The following LLGL2 variants were observed in gnomAD, a reference collection of about 807,000 sequenced individuals.
The protein encoded by LLGL2 is LLGL2, scribble cell polarity complex component.
LLGL2 carries 81 observed loss-of-function variants against 123.2 expected under a neutral mutation model. The ratio of observed to expected loss-of-function variants is 0.66; its 90% CI spans 0.55 to 0.79. The LOEUF (loss-of-function observed/expected upper bound fraction) is 0.79, where lower values mean the gene tolerates loss of function less well. LLGL2 is among the 30% of genes least tolerant of loss of function. The pLI is 0.00. For missense variants in LLGL2, 1,273 were observed against 1,414.6 expected (o/e 0.90, Z 1.61); for synonymous variants, 577 against 594.1 (o/e 0.97, Z 0.42).
intron 1 of LLGL2, among the ~76,000 whole-genome samples, chr17:75,537,331 T>TC (rs2054041367): frequency 1.3e-5 from 2 of 152,126 alleles, no homozygotes; most frequent in African/African-American, 4.8e-5. Context: ...GTGTGTTTCT[T>TC]CCCCATCTGA....
intron 1 of LLGL2, among the ~76,000 whole-genome samples, chr17:75,530,493 AC>A (rs2053739037): frequency 6.6e-6 from 1 of 152,088 alleles, no homozygotes; most frequent in African/African-American, 2.4e-5. Flanking sequence ...TACTAAAAAT[AC>A]AAAAAATTAG....
At chr17:75,541,715 CTTTTTTTTTT>C (rs56656168) in intron 1 of LLGL2, among the ~76,000 whole-genome samples, 2 of 31,508 alleles carry the variant, frequency 6.3e-5, no homozygotes, top group African/African-American at 2.8e-4. Context: ...TGTGGCTCTG[CTTTTTTTTTT>C]TTTTTTTTTT....
chr17:75,548,619 G>A (rs934790102), intron 2 of LLGL2, among the ~76,000 whole-genome samples: 9 of 151,786 alleles, frequency 5.9e-5, no homozygotes, highest in Non-Finnish European at 1.3e-4. Context: ...AGCCGGGCAT[G>A]GTGGCGCACA....
chr17:75,561,171 T>TAGATCC (rs199816974), intron 6 of LLGL2, among the ~76,000 whole-genome samples: 3 of 151,760 alleles, frequency 2.0e-5, no homozygotes, highest in African/African-American at 7.3e-5. Flanking sequence ...TGATGACACT[T>TAGATCC]ATCTAAGTTT....
intron 3 of LLGL2, 79 bp downstream of exon 3, chr17:75,556,222 T>A: frequency 8.9e-7 from 1 of 1,127,606 alleles, no homozygotes; most frequent in Non-Finnish European, 1.3e-6. Flanking sequence ...TTTTCCTTCC[T>A]TGCCCGTGGG....
At position 75,570,002 on chromosome 17, in the gene LLGL2, G is replaced by T. The variant is rs1004491456; in HGVS notation, c.1621G>T (p.Ala541Ser). ...ACTGAATGACGAGGCAGCGGAGCAG[G>T]CTGTGGAGCAGGTGGAGGCCGACCT... ...LELNDEAAEQ[A>S]VEQVEADLLQ... is the part of the protein sequence containing the mutation. Residue 541 changes from alanine to serine, a missense_variant, in exon 15 of 26, where the codon GCT becomes TCT. Physicochemically the swap from Ala to Ser is moderately conservative, Grantham distance 99. Coordinates refer to ENST00000392550, the MANE Select transcript of LLGL2 (RefSeq NM_001031803.2). 7 of 1,609,892 alleles carry T rather than the reference G, an allele frequency of 4.3e-6. No homozygotes were observed. The African/African-American group carries it at 6.7e-5, about 15-fold the overall frequency.
At position 75,558,101 on chromosome 17, in the gene LLGL2, G is replaced by A. The variant is rs759921740; in HGVS notation, c.174-54G>A. ...TGGGCCCCGAGGGCCTGGCACTCAAGGCAGGCAGGGGATGGTGTCCGACCT... is the reference window on the plus strand; with the variant it reads ...TGGGCCCCGAGGGCCTGGCACTCAAAGCAGGCAGGGGATGGTGTCCGACCT... On this transcript the variant is annotated intron_variant, in intron 3 of 25. Coordinates refer to ENST00000392550, the MANE Select transcript of LLGL2 (RefSeq NM_001031803.2). The surrounding 1 kb of genome is among the most constrained non-coding windows in gnomAD (Gnocchi z 4.0). The A allele has an allele frequency of 4.5e-6, 7 of 1,558,894 alleles. No homozygotes were observed. The highest frequency in any genetic ancestry group is 1.4e-5 in the African/African-American group (1 of 73,894).
intron 13 of LLGL2, 24 bp from the exon 14 acceptor site, chr17:75,569,197 C>A: frequency 6.2e-7 from 1 of 1,612,576 alleles, no homozygotes; most frequent in South Asian, 1.1e-5. Flanking sequence ...CGTGGCTGCT[C>A]ACAGGGCCCC....
Position 75,564,312 on chromosome 17 carries a change from C to A in LLGL2, c.882-41C>A. The A allele has an allele frequency of 6.4e-7, 1 of 1,567,966 alleles. No homozygotes were observed. Among genetic ancestry groups the A allele is most frequent in the Non-Finnish European group, 8.6e-7 (1 of 1,158,830 alleles). On this transcript the variant is annotated intron_variant, in intron 9 of 25. Coordinates refer to ENST00000392550, the MANE Select transcript of LLGL2 (RefSeq NM_001031803.2). This position sits in a 1 kb window ranked among gnomAD's most constrained non-coding sequence, Gnocchi z 4.9. ...CCGGCCTGTGGCTGTTGAGGCTGTGCCAGGAGCCCCAGCCCACTGCCGCTC... is the reference window on the plus strand; with the variant it reads ...CCGGCCTGTGGCTGTTGAGGCTGTGACAGGAGCCCCAGCCCACTGCCGCTC...
At chr17:75,529,603 C>G (rs9913780) in intron 1 of LLGL2, among the ~76,000 whole-genome samples, 99,720 of 151,258 alleles carry the variant, frequency 0.66, 33,230 homozygotes, top group Non-Finnish European at 0.7. Flanking sequence ...TGTCTCACGC[C>G]TGTAATCCCA....
intron 1 of LLGL2, chr17:75,533,529 C>G (rs1039742353): frequency 5.3e-5 from 8 of 151,998 alleles, no homozygotes; most frequent in African/African-American, 1.9e-4. Flanking sequence ...TGGTCTCGAT[C>G]TCCTGACCTC....
intron 2 of LLGL2, among the ~76,000 whole-genome samples, chr17:75,554,283 CAA>C (rs1157166144): frequency 8.7e-6 from 1 of 115,040 alleles, no homozygotes; most frequent in African/African-American, 3.8e-5. Context: ...GGCTGGGTGA[CAA>C]GAGCAAAACT....
intron 8 of LLGL2, 64 bp from the exon 9 acceptor site, chr17:75,563,688 C>T: frequency 6.3e-7 from 1 of 1,575,386 alleles, no homozygotes; most frequent in Non-Finnish European, 8.7e-7. Context: ...GGATCTGTGC[C>T]TGTGGGGACT....
chr17:75,571,708 G>T lies in LLGL2; in HGVS notation c.2218G>T (p.Gly740Cys). 1 of 1,609,724 alleles carries T rather than the reference G, an allele frequency of 6.2e-7. No homozygotes were observed. The change falls in exon 18 of 26, where the codon GGC becomes TGC. Residue 740 changes from glycine (G) to cysteine (C), a missense_variant. Gly to Cys is a radical substitution (Grantham distance 159, BLOSUM62 -3). Transcript: ENST00000392550. ...CPSLWAGTNG[G>C]TIYAFSLRVP... ...CTCGCTGTGGGCTGGCACCAATGGG[G>T]GCACCATCTATGCCTTCTCCCTGCG...
intron 1 of LLGL2, among the ~76,000 whole-genome samples, chr17:75,539,608 C>CTTT (rs540477851): frequency 7.4e-6 from 1 of 134,576 alleles, no homozygotes; most frequent in Non-Finnish European, 1.6e-5. Context: ...TTTCTGGTTA[C>CTTT]TTTTTTTTTT....
intron 1 of LLGL2, among the ~76,000 whole-genome samples, chr17:75,537,160 A>G (rs1399855314): frequency 6.6e-6 from 1 of 152,172 alleles, no homozygotes; most frequent in Non-Finnish European, 1.5e-5. Context: ...CTTTTGTCAT[A>G]GGCCTGAGCA....
At chr17:75,545,929 G>A (rs4073422) in intron 2 of LLGL2, among the ~76,000 whole-genome samples, 47,807 of 151,990 alleles carry the variant, frequency 0.31, 8,576 homozygotes, top group South Asian at 0.57. Context: ...TGTCCTGTGC[G>A]TTGTAGATTA....
At chr17:75,537,752 T>C (rs1004986355) in intron 1 of LLGL2, among the ~76,000 whole-genome samples, 1 of 150,282 alleles carries the variant, frequency 6.7e-6, no homozygotes, top group Non-Finnish European at 1.5e-5. Context: ...CCCAGCCTCC[T>C]AGGACTCGGA....
intron 1 of LLGL2, among the ~76,000 whole-genome samples, chr17:75,536,273 C>T (rs1450804622): frequency 6.6e-6 from 1 of 152,180 alleles, no homozygotes; most frequent in Non-Finnish European, 1.5e-5. Flanking sequence ...GGGGGCTCCT[C>T]AGCCTGTGGG....
Sources: gnomAD v4.1 joint callset for allele counts (sites outside exome capture counted in the v4.1 genomes callset) on GRCh38, gnomAD v4.1.1 for gene constraint, Gnocchi (gnomAD v3.1) non-coding constraint, MANE v1.5 for transcripts, NCBI Gene and HGNC (gene_info 2026-07-23, HGNC 2026-07-21) for gene names.